The following USP12 variants were observed in gnomAD, a reference collection of about 807,000 sequenced individuals.
USP12 encodes the protein ubiquitin specific peptidase 12.
In USP12, 19 loss-of-function variants were observed where a neutral mutation model predicts 45.5. That is an observed-to-expected ratio of 0.42 (90% CI 0.29 to 0.61). The LOEUF (loss-of-function observed/expected upper bound fraction) is 0.61, where lower values mean the gene tolerates loss of function less well. USP12 is among the 20% of genes least tolerant of loss of function. The probability of loss-of-function intolerance (pLI) is 0.22; values close to 1 mark genes in which losing one functional copy is unlikely to be tolerated. For synonymous variants in USP12, 149 were observed against 148.8 expected (o/e 1.00, Z -0.01); for missense variants, 242 against 447.7 (o/e 0.54, Z 4.15).
At chr13:27,102,739 T>A (rs753943751) in intron 3 of USP12, among the ~76,000 whole-genome samples, 3 of 152,260 alleles carry the variant, frequency 2.0e-5, no homozygotes, top group Non-Finnish European at 4.4e-5. Flanking sequence ...CTTCTTTTTT[T>A]CGTGACAGTG....
At chr13:27,088,014 T>G (rs1370059333) in intron 6 of USP12, among the ~76,000 whole-genome samples, 1 of 152,178 alleles carries the variant, frequency 6.6e-6, no homozygotes, top group East Asian at 1.9e-4. Context: ...AAAGATTAAG[T>G]GAAGAACTCT....
chr13:27,101,077 T>C (rs928102840), intron 3 of USP12, among the ~76,000 whole-genome samples: 7 of 152,250 alleles, frequency 4.6e-5, no homozygotes, highest in African/African-American at 1.4e-4. Flanking sequence ...AATGATTTCA[T>C]ATTCACAAAA....
At chr13:27,078,561 A>G (rs1242981139) in intron 6 of USP12, among the ~76,000 whole-genome samples, 3 of 152,026 alleles carry the variant, frequency 2.0e-5, no homozygotes, top group South Asian at 4.2e-4. Context: ...AAAAAGAAAG[A>G]AGGATGGGAA....
chr13:27,152,872 G>A (rs577254054), intron 1 of USP12, among the ~76,000 whole-genome samples: 1 of 151,404 alleles, frequency 6.6e-6, no homozygotes, highest in Non-Finnish European at 1.5e-5. Flanking sequence ...AACCTGGGAG[G>A]CGGAGCTTGC....
chr13:27,074,515 A>AG (rs1225320346), intron 7 of USP12, among the ~76,000 whole-genome samples: 2 of 152,204 alleles, frequency 1.3e-5, no homozygotes, highest in Non-Finnish European at 2.9e-5. Flanking sequence ...CCCAAAACCA[A>AG]GGGGAAAATG....
chr13:27,086,193 A>AT (rs1333218859), intron 6 of USP12, among the ~76,000 whole-genome samples: 43 of 66,924 alleles, frequency 6.4e-4, no homozygotes, highest in East Asian at 2.7e-3. Context: ...AAAAAAAAAA[A>AT]AAAAATATAT....
At chr13:27,089,706 A>G (rs896019939) in intron 6 of USP12, 177 bp downstream of exon 6, 9 of 599,866 alleles carry the variant, frequency 1.5e-5, no homozygotes, top group East Asian at 2.9e-5. Context: ...TTTTTGTAAA[A>G]TAAACATTGA....
chr13:27,080,139 C>T (rs1000583883), intron 6 of USP12, among the ~76,000 whole-genome samples: 2 of 152,086 alleles, frequency 1.3e-5, no homozygotes, highest in African/African-American at 4.8e-5. Context: ...TCTGGAGATC[C>T]AGGTAGGCAT....
chr13:27,140,029 T>C (rs1876986567), intron 1 of USP12, among the ~76,000 whole-genome samples: 1 of 152,228 alleles, frequency 6.6e-6, no homozygotes, highest in Non-Finnish European at 1.5e-5. Flanking sequence ...ACCTGCAAAA[T>C]ACATTTCTAT....
At chr13:27,147,852 G>T (rs1487432286) in intron 1 of USP12, among the ~76,000 whole-genome samples, 1 of 152,268 alleles carries the variant, frequency 6.6e-6, no homozygotes, top group African/African-American at 2.4e-5. Flanking sequence ...TCCCATAAGG[G>T]CATGGTGGTT....
chr13:27,133,972 A>G (rs756549123), intron 1 of USP12, among the ~76,000 whole-genome samples: 1 of 152,172 alleles, frequency 6.6e-6, no homozygotes, highest in Non-Finnish European at 1.5e-5. Flanking sequence ...TCTCTAAATA[A>G]ATAAAATAAA....
rs1295752547 is a variant in USP12, at chr13:27,068,465, T to A, written c.*818A>T. 2.6e-5 allele frequency: 4 copies of A among 152,484 alleles called. No individual in the cohort carries two copies. Among genetic ancestry groups the A allele is most frequent in the Admixed American group, 1.3e-4 (2 of 15,276 alleles). The allele number at this position is 152,484 out of a possible 1,614,324, so 9.4% of individuals were successfully genotyped here. ...TCAAGGTATCTTAACTGATTTCAGA[T>A]AGAAATTAAAATTCACCTTAAAAAT... On this transcript the variant is annotated 3_prime_UTR_variant, in exon 9 of 9. Coordinates refer to ENST00000282344, the MANE Select transcript of USP12 (RefSeq NM_182488.4).
Position 27,069,139 on chromosome 13 carries a change from G to A in USP12, c.*144C>T, listed in dbSNP as rs187933953. On this transcript the variant is annotated 3_prime_UTR_variant, in exon 9 of 9. Transcript: ENST00000282344. ...GATCGGAAGGGCTTGTCAATCCATC[G>A]TCTTTGCTTTATCGTGTGCAAAGTG... 1.6e-4 allele frequency: 111 copies of A among 681,652 alleles called. 2 individuals are homozygous for A. Among genetic ancestry groups the A allele is most frequent in the Admixed American group, 9.3e-4 (36 of 38,560 alleles). 42.2% of individuals were successfully genotyped at this position (681,652 alleles called of 1,614,324 possible). A position where few individuals can be genotyped will look rare whatever the true frequency, so the allele number is the denominator to read the frequency against.
intron 1 of USP12, among the ~76,000 whole-genome samples, chr13:27,124,396 C>G (rs1365719334): frequency 6.6e-6 from 1 of 152,064 alleles, no homozygotes; most frequent in Non-Finnish European, 1.5e-5. Flanking sequence ...ATACACCTTA[C>G]CAAGAAATTA....
At chr13:27,082,072 T>C (rs867235974) in intron 6 of USP12, among the ~76,000 whole-genome samples, 1 of 152,220 alleles carries the variant, frequency 6.6e-6, no homozygotes, top group Non-Finnish European at 1.5e-5. Context: ...ACCAGCTGCA[T>C]TAACCGCTAA....
intron 1 of USP12, 64 bp from the exon 2 acceptor site, chr13:27,116,660 A>G: frequency 6.7e-7 from 1 of 1,484,290 alleles, no homozygotes; most frequent in Non-Finnish European, 9.2e-7. Context: ...ATGACACTTC[A>G]GTCAATGACA....
chr13:27,098,875 T>C (rs1173186911), intron 3 of USP12, among the ~76,000 whole-genome samples: 1 of 152,172 alleles, frequency 6.6e-6, no homozygotes, highest in Non-Finnish European at 1.5e-5. Context: ...TGAATTAACA[T>C]GGCAAAACTT....
chr13:27,086,763 T>C (rs1170221539), intron 6 of USP12, among the ~76,000 whole-genome samples: 1 of 152,182 alleles, frequency 6.6e-6, no homozygotes, highest in African/African-American at 2.4e-5. Flanking sequence ...CCCTGACTCT[T>C]ACTTATCCAA....
intron 1 of USP12, among the ~76,000 whole-genome samples, chr13:27,143,839 C>T (rs1167967500): frequency 3.9e-5 from 6 of 152,196 alleles, no homozygotes; most frequent in South Asian, 2.1e-4. Context: ...AATTAAAAGA[C>T]ACCATAAGGA....
Sources: gnomAD v4.1 joint callset for allele counts (sites outside exome capture counted in the v4.1 genomes callset) on GRCh38, gnomAD v4.1.1 for gene constraint, MANE v1.5 for transcripts, NCBI Gene and HGNC (gene_info 2026-07-23, HGNC 2026-07-21) for gene names.